ZFPM2: variants seen among roughly 807,000 people sequenced by gnomAD.
ZFPM2 encodes zinc finger protein, FOG family member 2, also known as zinc finger protein ZFPM2.
A neutral mutation model predicts 98.6 loss-of-function variants in ZFPM2; 20 were observed. That is an observed-to-expected ratio of 0.20 (90% confidence interval 0.14 to 0.29). ZFPM2 has a LOEUF of 0.29. Ranked by LOEUF, ZFPM2 falls within the 10% of genes least tolerant of loss-of-function variation. The probability of loss-of-function intolerance (pLI) is 1.00; values close to 1 mark genes in which losing one functional copy is unlikely to be tolerated. For synonymous variants in ZFPM2, 518 were observed against 502.7 expected (o/e 1.03, Z -0.41); for missense variants, 1,310 against 1,388.6 (o/e 0.94, Z 0.90).
intron 5 of ZFPM2, chr8:105,679,100 A>G (rs1402879120): frequency 2.0e-5 from 3 of 152,206 alleles, no homozygotes; most frequent in Non-Finnish European, 4.4e-5. Flanking sequence ...AATATGTACA[A>G]CAGAGGAGAT....
At chr8:105,460,134 G>A (rs1812676702) in intron 3 of ZFPM2, among the ~76,000 whole-genome samples, 1 of 152,178 alleles carries the variant, frequency 6.6e-6, no homozygotes, top group Non-Finnish European at 1.5e-5. Context: ...TTGTATAGGA[G>A]CAGAAGCTGT....
In ZFPM2 at chr8:105,495,993, G is replaced by A. The variant is rs76511244; in HGVS notation, c.301+51612G>A. ...TCTTCTAATGTTATGATTTTACGTA[G>A]CCATATTAGGATTACAAAAAAGCCG... On this transcript the variant is annotated intron_variant, in intron 3 of 7. Coordinates refer to ENST00000407775, the MANE Select transcript of ZFPM2 (RefSeq NM_012082.4). Among the ~76,000 whole-genome samples the A allele has an allele frequency of 6.4e-3, 975 of 152,118 alleles. 5 individuals are homozygous for A. Among genetic ancestry groups the A allele is most frequent in the Non-Finnish European group, 9.8e-3 (665 of 68,012 alleles).
intron 4 of ZFPM2, chr8:105,616,741 G>T: frequency 3.1e-6 from 1 of 323,290 alleles, no homozygotes; most frequent in Non-Finnish European, 6.1e-6. Context: ...CCATAGTTTG[G>T]GTGCGGTGAC....
chr8:105,570,536 G>A (rs1336356426), intron 4 of ZFPM2, among the ~76,000 whole-genome samples: 1 of 152,148 alleles, frequency 6.6e-6, no homozygotes, highest in Non-Finnish European at 1.5e-5. Flanking sequence ...ATATAGTTAT[G>A]ATGTTGGCAG....
chr8:105,547,542 C>CAAAAAAAAA (rs148322534), intron 3 of ZFPM2, among the ~76,000 whole-genome samples: 21 of 47,180 alleles, frequency 4.5e-4, no homozygotes, highest in African/African-American at 9.1e-4. Flanking sequence ...AACTCCATCT[C>CAAAAAAAAA]AAAAAAAAAA....
At chr8:105,749,472 C>A (rs1479645792) in intron 5 of ZFPM2, among the ~76,000 whole-genome samples, 1 of 152,060 alleles carries the variant, frequency 6.6e-6, no homozygotes, top group Non-Finnish European at 1.5e-5. Flanking sequence ...TCCCCAGGCT[C>A]CAAACTCCCT....
chr8:105,660,061 A>G (rs1817358555), intron 5 of ZFPM2, among the ~76,000 whole-genome samples: 2 of 152,208 alleles, frequency 1.3e-5, no homozygotes, highest in South Asian at 2.1e-4. Context: ...GTTGCTCTTT[A>G]TAATAACTTG....
intron 3 of ZFPM2, among the ~76,000 whole-genome samples, chr8:105,493,315 G>A (rs1194893982): frequency 6.6e-6 from 1 of 152,190 alleles, no homozygotes; most frequent in Non-Finnish European, 1.5e-5. Flanking sequence ...GGTGCTGCTG[G>A]AAATTCTGGC....
intron 1 of ZFPM2, among the ~76,000 whole-genome samples, chr8:105,417,148 CAA>C (rs1027976260): frequency 6.6e-6 from 1 of 152,020 alleles, no homozygotes; most frequent in African/African-American, 2.4e-5. Context: ...GACCATTTCT[CAA>C]AAAATAATAA....
intron 5 of ZFPM2, among the ~76,000 whole-genome samples, chr8:105,666,651 A>G (rs1346665588): frequency 6.6e-6 from 1 of 152,214 alleles, no homozygotes; most frequent in African/African-American, 2.4e-5. Context: ...AAATATTATC[A>G]TAATATTACT....
intron 5 of ZFPM2, among the ~76,000 whole-genome samples, chr8:105,670,364 C>A (rs916602437): frequency 1.1e-4 from 17 of 152,028 alleles, no homozygotes; most frequent in East Asian, 3.9e-4. Flanking sequence ...GGCGCGGTGG[C>A]GGGCGCCTGT....
intron 3 of ZFPM2, among the ~76,000 whole-genome samples, chr8:105,541,039 C>A (rs115660804): frequency 2.0e-5 from 3 of 152,120 alleles, no homozygotes; most frequent in Middle Eastern, 3.4e-3. Context: ...CTGTAAGATT[C>A]GAATTTTTCT....
At chr8:105,753,015 T>C (rs762705758) in intron 5 of ZFPM2, among the ~76,000 whole-genome samples, 2 of 152,034 alleles carry the variant, frequency 1.3e-5, no homozygotes, top group Non-Finnish European at 2.9e-5. Flanking sequence ...CGGCATCTGA[T>C]TTCTGAGTGT....
At chr8:105,458,958 G>A (rs1472942495) in intron 3 of ZFPM2, among the ~76,000 whole-genome samples, 6 of 151,914 alleles carry the variant, frequency 3.9e-5, no homozygotes, top group Admixed American at 2.6e-4. Flanking sequence ...TTAATAGGGT[G>A]ATAAAGGAAA....
chr8:105,433,832 G>A (rs565542577), intron 2 of ZFPM2, among the ~76,000 whole-genome samples: 4 of 152,100 alleles, frequency 2.6e-5, no homozygotes, highest in Non-Finnish European at 5.9e-5. Context: ...GACAGTGTTA[G>A]CCCTGGACCA....
intron 4 of ZFPM2, among the ~76,000 whole-genome samples, chr8:105,624,909 C>G (rs1323303222): frequency 3.9e-5 from 6 of 152,134 alleles, no homozygotes; most frequent in Non-Finnish European, 8.8e-5. Context: ...TTTTATTTCA[C>G]ACTCATTTTG....
intron 6 of ZFPM2, 55 bp downstream of exon 6, chr8:105,788,979 GA>G: frequency 1.4e-6 from 2 of 1,408,562 alleles, no homozygotes; most frequent in Non-Finnish European, 1.9e-6. Flanking sequence ...ATTTATGGGA[GA>G]AAAAAATGTC....
chr8:105,535,022 C>A (rs1814420218), intron 3 of ZFPM2, among the ~76,000 whole-genome samples: 1 of 152,148 alleles, frequency 6.6e-6, no homozygotes, highest in African/African-American at 2.4e-5. Flanking sequence ...TAAGACACAG[C>A]ATTTGGCTCT....
Position 105,695,258 on chromosome 8 carries a change from C to T in ZFPM2, c.532+60901C>T, listed in dbSNP as rs957321499. Among the ~76,000 whole-genome samples, 7 of 151,712 alleles carry T rather than the reference C, an allele frequency of 4.6e-5. No homozygotes were observed. The East Asian group carries it at 5.8e-4, about 13-fold the overall frequency. ...AATTACTCTATCTCCTGAGAAAATA[C>T]GTAATCATGGATGATAACCTTGAAG... On this transcript the variant is annotated intron_variant, in intron 5 of 7. Coordinates refer to ENST00000407775, the MANE Select transcript of ZFPM2 (RefSeq NM_012082.4).
Sources: gnomAD v4.1 joint callset for allele counts (sites outside exome capture counted in the v4.1 genomes callset) on GRCh38, gnomAD v4.1.1 for gene constraint, MANE v1.5 for transcripts, NCBI Gene and HGNC (gene_info 2026-07-23, HGNC 2026-07-21) for gene names.